Variants in CNTNAP3 observed in about 807,000 individuals in gnomAD.
The protein encoded by CNTNAP3 is contactin associated protein family member 3.
Under a neutral mutation model 92.1 loss-of-function variants are expected in CNTNAP3, and 36 were observed. The ratio of observed to expected loss-of-function variants is 0.39; its 90% CI spans 0.30 to 0.52. The LOEUF (loss-of-function observed/expected upper bound fraction) is 0.52, where lower values mean the gene tolerates loss of function less well. Among genes scored for constraint, CNTNAP3 ranks in the 20% least tolerant of loss-of-function variants. CNTNAP3 has a pLI of 0.76. For synonymous variants in CNTNAP3, 232 were observed against 422.3 expected (o/e 0.55, Z 5.53); for missense variants, 534 against 1,069.6 (o/e 0.50, Z 6.98).
intron 10 of CNTNAP3, among the ~76,000 whole-genome samples, chr9:39,149,151 GATGAAT>G (rs1821777535): frequency 6.6e-6 from 1 of 152,134 alleles, no homozygotes; most frequent in South Asian, 2.1e-4. Flanking sequence ...TTGGGTGGCT[GATGAAT>G]AGTAACCTGG....
At chr9:39,094,540 G>C (rs1330701359) in intron 18 of CNTNAP3, among the ~76,000 whole-genome samples, 12 of 150,590 alleles carry the variant, frequency 8.0e-5, no homozygotes, top group African/African-American at 2.9e-4. Flanking sequence ...TTTGGTAAGG[G>C]TCTAACTTCA....
chr9:39,121,368 A>T (rs1821014492), intron 13 of CNTNAP3, among the ~76,000 whole-genome samples: 1 of 152,150 alleles, frequency 6.6e-6, no homozygotes, highest in Non-Finnish European at 1.5e-5. Context: ...GAAACAATAC[A>T]CCCTTAAAAA....
chr9:39,104,477 T>TACACATACACAC (rs1310721529), intron 15 of CNTNAP3, among the ~76,000 whole-genome samples: 36 of 123,180 alleles, frequency 2.9e-4, no homozygotes, highest in African/African-American at 1.0e-3. Flanking sequence ...CACATACACA[T>TACACATACACAC]ACACACACAC....
At chr9:39,150,495 T>C (rs1194986265) in intron 9 of CNTNAP3, among the ~76,000 whole-genome samples, 1 of 32,488 alleles carries the variant, frequency 3.1e-5, no homozygotes, top group African/African-American at 1.3e-4. Context: ...TATGTATATT[T>C]GGGAGTATTT....
chr9:39,100,157 C>T lies in CNTNAP3; in HGVS notation c.2756-7G>A, dbSNP rs569010650. 8.2e-5 allele frequency: 129 copies of T among 1,571,272 alleles called. No individual in the cohort carries two copies. The highest frequency in any genetic ancestry group is 3.4e-4 in the African/African-American group (25 of 74,130). On this transcript the variant is annotated splice_region_variant and splice_polypyrimidine_tract_variant and intron_variant, in intron 17 of 23. Transcript: ENST00000297668. ...TGTCTGGTGGCCGTTCCACCTACAA[C>T]GGAAACACTGCAAATAGAAATGTGT...
At chr9:39,074,632 A>T (rs1383904307) in intron 23 of CNTNAP3, among the ~76,000 whole-genome samples, 1 of 152,086 alleles carries the variant, frequency 6.6e-6, no homozygotes, top group African/African-American at 2.4e-5. Flanking sequence ...TACATCCTTC[A>T]GTTAACAAGT....
chr9:39,120,009 G>T (rs1319169632), intron 13 of CNTNAP3, among the ~76,000 whole-genome samples: 1 of 152,146 alleles, frequency 6.6e-6, no homozygotes, highest in African/African-American at 2.4e-5. Context: ...CAAAAAGAGA[G>T]AAGAAAGTGT....
chr9:39,120,951 G>C (rs1821005143), intron 13 of CNTNAP3, among the ~76,000 whole-genome samples: 1 of 152,008 alleles, frequency 6.6e-6, no homozygotes, highest in South Asian at 2.1e-4. Flanking sequence ...AAGTGGGGAA[G>C]ATAAAGGACC....
intron 21 of CNTNAP3, among the ~76,000 whole-genome samples, chr9:39,084,203 T>TTTG (rs1587697834): frequency 2.7e-5 from 4 of 146,952 alleles, no homozygotes; most frequent in South Asian, 2.2e-4. Flanking sequence ...AGTTTTTTTT[T>TTTG]TTTTTTTTTT....
chr9:39,109,659 T>G (rs1371657395), intron 14 of CNTNAP3, among the ~76,000 whole-genome samples: 1 of 152,186 alleles, frequency 6.6e-6, no homozygotes, highest in Non-Finnish European at 1.5e-5. Context: ...TTCTTTTTAT[T>G]TTTCAACCTT....
At chr9:39,100,194 T>A in intron 17 of CNTNAP3, 44 bp from the exon 18 acceptor site, 1 of 1,426,394 alleles carries the variant, frequency 7.0e-7, no homozygotes. Flanking sequence ...CCTTGGTATT[T>A]TATTCAGGAT....
rs556174132 is a variant in CNTNAP3 at position 39,107,381 on chromosome 9, AGAGG to A, written c.2365+1775_2365+1778del. On this transcript the variant is annotated intron_variant, in intron 15 of 23. Coordinates refer to ENST00000297668, the MANE Select transcript of CNTNAP3 (RefSeq NM_033655.5). Reference sequence around the variant, plus strand: ...GGGAGGGAGGAAGGGAGGGAGAGAAAGAGGGAGGGAGGGAGGGAGGAAGGAAGGA... The same window carrying A: ...GGGAGGGAGGAAGGGAGGGAGAGAAAGAGGGAGGGAGGGAGGAAGGAAGGA... Among the ~76,000 whole-genome samples, 544 of 136,976 alleles carry A rather than the reference AGAGG, an allele frequency of 4.0e-3. 1 individual carries two copies. Among genetic ancestry groups the A allele is most frequent in the African/African-American group, 0.013 (505 of 37,886 alleles). The allele number at this position is 136,976 out of a possible 152,430, so 89.9% of individuals were successfully genotyped here. A position where few individuals can be genotyped will look rare whatever the true frequency, so the allele number is the denominator to read the frequency against.
rs1825559701 is a variant in CNTNAP3, at chr9:39,068,433, AAATTAAATT to A, written c.*5448_*5456del. 7.0e-6 allele frequency among the ~76,000 whole-genome samples: 1 copy of A among 142,340 alleles called. No homozygotes were observed. Among genetic ancestry groups the A allele is most frequent in the Non-Finnish European group, 1.6e-5 (1 of 62,718 alleles). 93.4% of individuals were successfully genotyped at this position (142,340 alleles called of 152,430 possible). On this transcript the variant is annotated 3_prime_UTR_variant, in exon 24 of 24. Coordinates refer to ENST00000297668, the MANE Select transcript of CNTNAP3 (RefSeq NM_033655.5). ...TCCGTCTCAAAAATAAAATAAAATT[AAATTAAATT>A]AAATAAAAATTAAAAAATTCATAGA...
At chr9:39,076,374 A>C (rs1029525805) in intron 23 of CNTNAP3, among the ~76,000 whole-genome samples, 2 of 152,308 alleles carry the variant, frequency 1.3e-5, no homozygotes, top group African/African-American at 4.8e-5. Context: ...TTAGGATTGG[A>C]TTTGATTTAA....
At chr9:39,097,065 C>G (rs1435174882) in intron 18 of CNTNAP3, among the ~76,000 whole-genome samples, 10 of 151,752 alleles carry the variant, frequency 6.6e-5, no homozygotes, top group African/African-American at 2.2e-4. Context: ...ATTATTATTT[C>G]TCTGTATTCT....
chr9:39,082,570 C>T (rs745731395), intron 21 of CNTNAP3, among the ~76,000 whole-genome samples: 14 of 152,302 alleles, frequency 9.2e-5, no homozygotes, highest in Non-Finnish European at 2.1e-4. Flanking sequence ...CTGAGTGTCT[C>T]CTCATGCTTT....
chr9:39,140,456 G>A lies in CNTNAP3; in HGVS notation c.1876+63C>T, dbSNP rs1271783148. 28 of 1,585,994 alleles carry A rather than the reference G, an allele frequency of 1.8e-5. No individual in the cohort carries two copies. In the African/African-American group the frequency reaches 2.9e-4, roughly 16 times the overall value. ...TCAAACTGCATGTTTTAATAATGCT[G>A]CCAACTAGGTAAATTTCTCCTTGGT... On this transcript the variant is annotated intron_variant, in intron 12 of 23. Coordinates refer to ENST00000297668, the MANE Select transcript of CNTNAP3 (RefSeq NM_033655.5).
intron 14 of CNTNAP3, among the ~76,000 whole-genome samples, chr9:39,116,277 G>A (rs1308551759): frequency 6.6e-6 from 1 of 152,174 alleles, no homozygotes; most frequent in Non-Finnish European, 1.5e-5. Context: ...GTAGAGAATG[G>A]GGGTGGGGAC....
At chr9:39,127,247 A>T (rs1310187916) in intron 13 of CNTNAP3, among the ~76,000 whole-genome samples, 2 of 152,170 alleles carry the variant, frequency 1.3e-5, no homozygotes, top group African/African-American at 4.8e-5. Flanking sequence ...TGAAAATGAG[A>T]ATACAACATA....
Sources: allele counts gnomAD v4.1 joint callset (sites outside exome capture counted in the v4.1 genomes callset), GRCh38; gene constraint gnomAD v4.1.1; transcripts MANE v1.5; gene names NCBI Gene and HGNC (gene_info 2026-07-23, HGNC 2026-07-21).